The following NHSL2 variants were observed in gnomAD, a reference collection of about 807,000 sequenced individuals.
NHSL2 encodes NHS-like protein 2.
Under a neutral mutation model 53.4 loss-of-function variants are expected in NHSL2, and 27 were observed. The ratio of observed to expected loss-of-function variants is 0.51; its 90% CI spans 0.37 to 0.70. NHSL2 has a LOEUF of 0.70. Among genes scored for constraint, NHSL2 ranks in the 30% least tolerant of loss-of-function variants. The probability of loss-of-function intolerance (pLI) is 0.00; values close to 1 mark genes in which losing one functional copy is unlikely to be tolerated. For synonymous variants in NHSL2, 408 were observed against 404.1 expected, an observed-to-expected ratio of 1.01 and a Z score of -0.12; for missense variants, 892 against 980.1, an observed-to-expected ratio of 0.91 and a Z score of 1.20.
At position 71,910,966 on chromosome X, in the gene NHSL2, C is replaced by A; in HGVS notation, c.-122C>A. 3.8e-6 allele frequency: 2 copies of A among 528,942 alleles called. No individual in the cohort carries two copies. The highest frequency in any genetic ancestry group is 1.1e-4 in the East Asian group (2 of 18,915). The allele number at this position is 528,942 out of a possible 1,213,427, so 43.6% of individuals were successfully genotyped here. The stretch of plus-strand genomic sequence containing the variant: ...CGCCCGCACGCTCTCCGGCCCGCGC[C>A]CAGGGGCCTGCTACACCCGGAGCTG... On this transcript the variant is annotated 5_prime_UTR_variant, in exon 1 of 8. Transcript: ENST00000633930.
intron 1 of NHSL2, among the ~76,000 whole-genome samples, chrX:72,121,627 C>G (rs1253023125): frequency 8.9e-6 from 1 of 111,952 alleles, no homozygotes; most frequent in African/African-American, 3.3e-5. Flanking sequence ...AAACCACACA[C>G]TTGTCTTTCT....
At chrX:71,984,970 C>T (rs1008092120) in intron 1 of NHSL2, among the ~76,000 whole-genome samples, 1 of 110,324 alleles carries the variant, frequency 9.1e-6, no homozygotes, top group Non-Finnish European at 1.9e-5. Context: ...ACTACAGGCA[C>T]CTGCCACCAT....
At chrX:72,037,391 C>T (rs2042246950) in intron 1 of NHSL2, among the ~76,000 whole-genome samples, 1 of 110,048 alleles carries the variant, frequency 9.1e-6, no homozygotes, top group Admixed American at 9.6e-5. Context: ...CCACTGCACT[C>T]CAGCCTGAGC....
chrX:72,022,961 T>C (rs1203723716), intron 1 of NHSL2, among the ~76,000 whole-genome samples: 1 of 112,330 alleles, frequency 8.9e-6, no homozygotes, highest in Non-Finnish European at 1.9e-5. Flanking sequence ...TGGTTATCCA[T>C]TCACTATTTC....
At chrX:72,034,270 A>G (rs1463106570) in intron 1 of NHSL2, among the ~76,000 whole-genome samples, 2 of 112,332 alleles carry the variant, frequency 1.8e-5, no homozygotes, top group Non-Finnish European at 3.8e-5. Flanking sequence ...CCTCCACTAG[A>G]GTAAAATACC....
intron 1 of NHSL2, among the ~76,000 whole-genome samples, chrX:71,919,662 C>T (rs1350582686): frequency 9.0e-6 from 1 of 111,637 alleles, no homozygotes; most frequent in Admixed American, 9.4e-5. Flanking sequence ...CATTCTCCCC[C>T]ACTGACATCT....
chrX:72,084,326 C>G (rs2041816897), intron 1 of NHSL2, among the ~76,000 whole-genome samples: 1 of 112,503 alleles, frequency 8.9e-6, no homozygotes, highest in Non-Finnish European at 1.9e-5. Flanking sequence ...AGAGCCTGCA[C>G]AGGCCACAAA....
chrX:71,944,614 C>T (rs1446092183), intron 1 of NHSL2, among the ~76,000 whole-genome samples: 2 of 111,890 alleles, frequency 1.8e-5, no homozygotes, highest in Non-Finnish European at 3.8e-5. Context: ...AGGTGAGTAG[C>T]TTCTGCCTGT....
At chrX:72,123,022 G>A (rs943376896) in intron 1 of NHSL2, among the ~76,000 whole-genome samples, 2 of 112,328 alleles carry the variant, frequency 1.8e-5, no homozygotes, top group Non-Finnish European at 3.8e-5. Flanking sequence ...CAGTGGGGTC[G>A]GGGTTAGAGG....
chrX:72,092,383 C>T (rs146275907), intron 1 of NHSL2, among the ~76,000 whole-genome samples: 8,703 of 111,263 alleles, frequency 0.078, 363 homozygotes, highest in African/African-American at 0.14. Flanking sequence ...GTCACATACA[C>T]GTTCCCCAAG....
chrX:71,964,029 A>ATG (rs55668280), intron 1 of NHSL2, among the ~76,000 whole-genome samples: 2,029 of 32,033 alleles, frequency 0.063, 214 homozygotes, highest in East Asian at 0.3. Flanking sequence ...ATATATGTGT[A>ATG]TATATATATA....
At chrX:72,111,407 A>G (rs1328638954) in intron 1 of NHSL2, among the ~76,000 whole-genome samples, 1 of 112,755 alleles carries the variant, frequency 8.9e-6, no homozygotes, top group Admixed American at 9.3e-5. Context: ...GAGAGGTGGG[A>G]GGCTCAAATA....
rs896776701 is a variant in NHSL2 at position 72,134,356 on chromosome X, C to T, written c.564+138C>T. On this transcript the variant is annotated intron_variant, in intron 3 of 7. Coordinates refer to ENST00000633930, the MANE Select transcript of NHSL2 (RefSeq NM_001013627.3). ...TACCCTGAGGCCCCACTGGGATAGG[C>T]CCTGCACAGCAGGTGCCTGGCCTGG... 1.6e-5 allele frequency: 14 copies of T among 848,793 alleles called. No homozygotes were observed. In the African/African-American group the frequency reaches 2.2e-4, roughly 13 times the overall value. 70.0% of individuals were successfully genotyped at this position (848,793 alleles called of 1,213,427 possible).
In NHSL2 at chrX:72,143,557, G is replaced by A. The variant is rs183807731; in HGVS notation, c.3661G>A (p.Asp1221Asn). Residue 1221 changes from aspartate (D) to asparagine (N), a missense_variant, in exon 8 of 8, where the codon GAT becomes AAT. Asp to Asn is a conservative substitution (Grantham distance 23). Transcript: ENST00000633930. Reference protein sequence around the residue: ...AQFSKDYETTDNPST With the variant: ...AQFSKDYETTNNPST ...ATTTTCAAAAGACTATGAAACCACC[G>A]ATAACCCCAGTACCTAAGCCCTGGG... 243 of 1,151,670 alleles carry A rather than the reference G, an allele frequency of 2.1e-4. No homozygotes were observed. The African/African-American group carries it at 3.2e-3, about 15-fold the overall frequency. The allele number at this position is 1,151,670 out of a possible 1,213,427, so 94.9% of individuals were successfully genotyped here. A position where few individuals can be genotyped will look rare whatever the true frequency, so the allele number is the denominator to read the frequency against.
At chrX:72,010,008 G>T (rs1195699666) in intron 1 of NHSL2, among the ~76,000 whole-genome samples, 1 of 113,051 alleles carries the variant, frequency 8.8e-6, no homozygotes, top group African/African-American at 3.2e-5. Context: ...TCAGGTCAGC[G>T]GGTGGCAAGG....
At chrX:72,015,025 G>A (rs1485037120) in intron 1 of NHSL2, among the ~76,000 whole-genome samples, 4 of 110,978 alleles carry the variant, frequency 3.6e-5, no homozygotes, top group Admixed American at 9.6e-5. Flanking sequence ...TAAAGAATTA[G>A]TGTATAAAAA....
intron 1 of NHSL2, among the ~76,000 whole-genome samples, chrX:71,935,905 T>C (rs1359715349): frequency 9.0e-6 from 1 of 111,729 alleles, no homozygotes; most frequent in African/African-American, 3.3e-5. Flanking sequence ...GGAGTGAATC[T>C]CACTCCTGCC....
At chrX:72,110,387 G>C (rs769530936) in intron 1 of NHSL2, among the ~76,000 whole-genome samples, 1 of 111,179 alleles carries the variant, frequency 9.0e-6, no homozygotes, top group Admixed American at 9.5e-5. Flanking sequence ...ACTGTATCTC[G>C]TTGTGTCCTC....
chrX:72,006,548 C>T (rs1016318101), intron 1 of NHSL2, among the ~76,000 whole-genome samples: 7 of 112,345 alleles, frequency 6.2e-5, no homozygotes, highest in African/African-American at 2.3e-4. Context: ...CAGGCAGATG[C>T]CTTCCCACCT....
Sources: allele counts gnomAD v4.1 joint callset (sites outside exome capture counted in the v4.1 genomes callset), GRCh38; gene constraint gnomAD v4.1.1; transcripts MANE v1.5; gene names NCBI Gene and HGNC (gene_info 2026-07-23, HGNC 2026-07-21).